The following SPIRE1 variants were observed in gnomAD, a reference collection of about 807,000 sequenced individuals.
SPIRE1 encodes spire type actin nucleation factor 1.
In SPIRE1, 40 loss-of-function variants were observed where a neutral mutation model predicts 94.1. The ratio of observed to expected loss-of-function variants is 0.43; its 90% CI spans 0.33 to 0.55. The LOEUF (loss-of-function observed/expected upper bound fraction) is 0.55, where lower values mean the gene tolerates loss of function less well. Ranked by LOEUF, SPIRE1 falls within the 20% of genes least tolerant of loss-of-function variation. The pLI is 0.06. For missense variants in SPIRE1, 838 were observed against 975.2 expected, an observed-to-expected ratio of 0.86 and a Z score of 1.87; for synonymous variants, 376 against 371.7, an observed-to-expected ratio of 1.01 and a Z score of -0.13.
intron 6 of SPIRE1, 148 bp downstream of exon 6, chr18:12,506,329 T>C (rs947055898): frequency 9.0e-6 from 6 of 667,968 alleles, no homozygotes; most frequent in South Asian, 1.8e-5. Context: ...AACTAATTTT[T>C]GTATTTTTTG....
At chr18:12,498,097 T>C (rs2033524468) in intron 6 of SPIRE1, among the ~76,000 whole-genome samples, 1 of 152,204 alleles carries the variant, frequency 6.6e-6, no homozygotes, top group Admixed American at 6.5e-5. Context: ...ATATTTACAT[T>C]ATACTTATCA....
At chr18:12,554,454 C>G (rs1008436224) in intron 2 of SPIRE1, among the ~76,000 whole-genome samples, 1 of 152,020 alleles carries the variant, frequency 6.6e-6, no homozygotes, top group Non-Finnish European at 1.5e-5. Flanking sequence ...TGAAGAAATC[C>G]AAAACCTGAA....
At chr18:12,548,999 C>T (rs886201006) in intron 2 of SPIRE1, among the ~76,000 whole-genome samples, 1 of 152,144 alleles carries the variant, frequency 6.6e-6, no homozygotes, top group African/African-American at 2.4e-5. Flanking sequence ...TGGCAGTGTC[C>T]CAGGACAATC....
At chr18:12,494,666 A>G (rs1313808845) in intron 7 of SPIRE1, among the ~76,000 whole-genome samples, 1 of 111,304 alleles carries the variant, frequency 9.0e-6, no homozygotes, top group Non-Finnish European at 2.2e-5. Context: ...CGTCTCTACT[A>G]AAAAAAAAAA....
chr18:12,555,135 G>A (rs138856909), intron 2 of SPIRE1, among the ~76,000 whole-genome samples: 2,695 of 152,076 alleles, frequency 0.018, 87 homozygotes, highest in African/African-American at 0.061. Context: ...TGGCCATGGA[G>A]ATGATTTGAG....
chr18:12,566,899 C>T lies in SPIRE1; in HGVS notation c.373-19995G>A, dbSNP rs923446125. Among the ~76,000 whole-genome samples the T allele has an allele frequency of 3.3e-5, 5 of 152,066 alleles. No homozygotes were observed. In the East Asian group the frequency reaches 5.8e-4, roughly 18 times the overall value. On this transcript the variant is annotated intron_variant, in intron 2 of 16. Transcript: ENST00000409402. The stretch of plus-strand genomic sequence containing the variant: ...AGCAGAAAAAGATACTATGAGAATA[C>T]GACAGACCAATATCTCTCATGGACA...
chr18:12,509,900 C>T (rs773492510), intron 5 of SPIRE1, among the ~76,000 whole-genome samples: 8 of 152,152 alleles, frequency 5.3e-5, no homozygotes, highest in Non-Finnish European at 8.8e-5. Flanking sequence ...GCCTGACCAA[C>T]ATGGTGAAAC....
intron 12 of SPIRE1, among the ~76,000 whole-genome samples, chr18:12,455,573 G>A (rs1301840069): frequency 1.3e-5 from 2 of 152,118 alleles, no homozygotes; most frequent in African/African-American, 2.4e-5. Context: ...AAGCAGCTGC[G>A]GAAGATGTTG....
intron 2 of SPIRE1, among the ~76,000 whole-genome samples, chr18:12,577,031 G>A (rs934548287): frequency 1.3e-5 from 2 of 152,068 alleles, no homozygotes; most frequent in African/African-American, 4.8e-5. Flanking sequence ...AAGTGCCAAG[G>A]TAGTTCAATG....
intron 2 of SPIRE1, among the ~76,000 whole-genome samples, chr18:12,549,656 G>A (rs1372170080): frequency 1.3e-5 from 2 of 151,392 alleles, no homozygotes; most frequent in Non-Finnish European, 2.9e-5. Context: ...TCACCATGTT[G>A]GCCAGGACAG....
intron 12 of SPIRE1, among the ~76,000 whole-genome samples, chr18:12,458,528 G>T (rs915440760): frequency 2.0e-5 from 3 of 152,000 alleles, no homozygotes; most frequent in African/African-American, 7.2e-5. Flanking sequence ...GCAGGAGAAT[G>T]GCGTGAACCC....
At chr18:12,609,301 G>T (rs1486068004) in intron 2 of SPIRE1, among the ~76,000 whole-genome samples, 1 of 152,176 alleles carries the variant, frequency 6.6e-6, no homozygotes, top group East Asian at 1.9e-4. Flanking sequence ...TGGTATGCTA[G>T]AGAGTTCATA....
intron 4 of SPIRE1, among the ~76,000 whole-genome samples, chr18:12,529,296 G>A (rs535513827): frequency 1.9e-4 from 29 of 151,850 alleles, no homozygotes; most frequent in African/African-American, 7.0e-4. Context: ...GTGAACCCGG[G>A]AGGTGGAACT....
chr18:12,477,218 G>A (rs916052261), intron 10 of SPIRE1, among the ~76,000 whole-genome samples: 2 of 152,144 alleles, frequency 1.3e-5, no homozygotes, highest in Non-Finnish European at 2.9e-5. Context: ...AGGCCTGTGG[G>A]GGTGCAGGAA....
At chr18:12,631,606 T>C (rs1040952398) in intron 2 of SPIRE1, among the ~76,000 whole-genome samples, 3 of 146,736 alleles carry the variant, frequency 2.0e-5, no homozygotes, top group Non-Finnish European at 4.5e-5. Flanking sequence ...CCAGGCACAG[T>C]GGCTTACGCC....
chr18:12,626,576 G>A (rs191493480), intron 2 of SPIRE1, among the ~76,000 whole-genome samples: 1 of 152,118 alleles, frequency 6.6e-6, no homozygotes, highest in Non-Finnish European at 1.5e-5. Flanking sequence ...GGCATATAAG[G>A]AGATACAAAG....
intron 2 of SPIRE1, among the ~76,000 whole-genome samples, chr18:12,630,520 G>A (rs907011165): frequency 3.3e-5 from 5 of 152,134 alleles, no homozygotes; most frequent in Non-Finnish European, 5.9e-5. Flanking sequence ...TTAGCTGGGC[G>A]TGGTGGCACA....
chr18:12,627,438 C>T (rs1377278293), intron 2 of SPIRE1, among the ~76,000 whole-genome samples: 1 of 152,152 alleles, frequency 6.6e-6, no homozygotes, highest in Non-Finnish European at 1.5e-5. Flanking sequence ...GTATGTGCCA[C>T]GTTTTCTTAA....
At chr18:12,547,630 G>GTC (rs111991323) in intron 2 of SPIRE1, among the ~76,000 whole-genome samples, 1,523 of 150,990 alleles carry the variant, frequency 0.01, 27 homozygotes, top group African/African-American at 0.034. Context: ...CTCTCTCTGT[G>GTC]TCTCTCTCTC....
Sources: allele counts gnomAD v4.1 joint callset (sites outside exome capture counted in the v4.1 genomes callset), GRCh38; gene constraint gnomAD v4.1.1; transcripts MANE v1.5; gene names NCBI Gene and HGNC (gene_info 2026-07-23, HGNC 2026-07-21).